Variants in CNTNAP2 observed in about 807,000 individuals in gnomAD.
CNTNAP2 encodes contactin-associated protein-like 2.
In CNTNAP2, 98 loss-of-function variants were observed where a neutral mutation model predicts 155.2. The ratio of observed to expected loss-of-function variants is 0.63; its 90% confidence interval spans 0.54 to 0.75. CNTNAP2 has a LOEUF of 0.75. Among genes scored for constraint, CNTNAP2 ranks in the 30% least tolerant of loss-of-function variants. CNTNAP2 has a pLI of 0.00. For missense variants in CNTNAP2, 1,727 were observed against 1,688.1 expected (o/e 1.02, Z -0.40); for synonymous variants, 651 against 631.2 (o/e 1.03, Z -0.47).
At chr7:146,485,960 A>C (rs1433322477) in intron 1 of CNTNAP2, among the ~76,000 whole-genome samples, 1 of 151,548 alleles carries the variant, frequency 6.6e-6, no homozygotes, top group African/African-American at 2.4e-5. Context: ...TATGCCTTTC[A>C]AATGTAAGAT....
chr7:147,317,761 GAT>G lies in CNTNAP2; in HGVS notation c.1498+17486_1498+17487del, dbSNP rs774135300. Among the ~76,000 whole-genome samples the G allele has an allele frequency of 7.2e-3, 1,057 of 146,780 alleles. 7 individuals are homozygous for G. Among genetic ancestry groups the G allele is most frequent in the African/African-American group, 0.019 (768 of 39,680 alleles). On this transcript the variant is annotated intron_variant, in intron 9 of 23. Coordinates refer to ENST00000361727, the MANE Select transcript of CNTNAP2 (RefSeq NM_014141.6). ...ACTGTCGCTTAAACTTCAAAAAAAGGATATATATATATATATGTGTGTGTGTG... is the reference window on the plus strand; with the variant it reads ...ACTGTCGCTTAAACTTCAAAAAAAGGATATATATATATATGTGTGTGTGTG...
chr7:147,870,996 G>A (rs946630550), intron 13 of CNTNAP2, among the ~76,000 whole-genome samples: 16 of 152,106 alleles, frequency 1.1e-4, no homozygotes, highest in African/African-American at 3.9e-4. Context: ...TTCCAGCATA[G>A]CCTTACTTTT....
chr7:146,407,063 T>C (rs555882387), intron 1 of CNTNAP2, among the ~76,000 whole-genome samples: 1 of 152,294 alleles, frequency 6.6e-6, no homozygotes, highest in South Asian at 2.1e-4. Flanking sequence ...GTGCCTTGGG[T>C]ACTTGACGGC....
At chr7:146,268,607 C>G (rs1454967488) in intron 1 of CNTNAP2, among the ~76,000 whole-genome samples, 1 of 151,984 alleles carries the variant, frequency 6.6e-6, no homozygotes, top group African/African-American at 2.4e-5. Flanking sequence ...TCTCCACCAC[C>G]AAAACAGCTC....
intron 1 of CNTNAP2, among the ~76,000 whole-genome samples, chr7:146,751,241 A>G (rs1801898353): frequency 6.6e-6 from 1 of 152,154 alleles, no homozygotes; most frequent in South Asian, 2.1e-4. Flanking sequence ...TTGAGCATAC[A>G]CATTTGAGCA....
At chr7:146,533,830 C>G (rs796247490) in intron 1 of CNTNAP2, among the ~76,000 whole-genome samples, 37 of 152,116 alleles carry the variant, frequency 2.4e-4, no homozygotes, top group African/African-American at 8.7e-4. Flanking sequence ...TGCTCTCTCT[C>G]TACTCTGTTT....
At chr7:148,080,217 T>C (rs1047492090) in intron 15 of CNTNAP2, among the ~76,000 whole-genome samples, 5 of 152,184 alleles carry the variant, frequency 3.3e-5, no homozygotes, top group Admixed American at 2.6e-4. Flanking sequence ...CACTAAGATG[T>C]CAGGGTTGTT....
intron 1 of CNTNAP2, among the ~76,000 whole-genome samples, chr7:146,705,100 T>C (rs1390704848): frequency 6.6e-6 from 1 of 152,106 alleles, no homozygotes; most frequent in African/African-American, 2.4e-5. Flanking sequence ...TTTCAGATGC[T>C]CAGACAAATA....
chr7:146,374,070 T>G (rs1795273253), intron 1 of CNTNAP2, among the ~76,000 whole-genome samples: 2 of 152,172 alleles, frequency 1.3e-5, no homozygotes, highest in South Asian at 4.1e-4. Context: ...TTGAAGTTGT[T>G]GCCTTTGGGA....
intron 1 of CNTNAP2, among the ~76,000 whole-genome samples, chr7:146,625,676 A>G (rs1188564867): frequency 6.6e-6 from 1 of 152,060 alleles, no homozygotes; most frequent in Admixed American, 6.6e-5. Flanking sequence ...GAGGACACAA[A>G]TATTCCAAAC....
intron 8 of CNTNAP2, among the ~76,000 whole-genome samples, chr7:147,239,547 A>G (rs1803894419): frequency 6.6e-6 from 1 of 151,834 alleles, no homozygotes; most frequent in African/African-American, 2.4e-5. Context: ...ATTGGTACGC[A>G]TTCATGACTG....
chr7:147,104,394 G>A (rs535495300), intron 4 of CNTNAP2, among the ~76,000 whole-genome samples: 3 of 151,748 alleles, frequency 2.0e-5, no homozygotes, highest in Non-Finnish European at 2.9e-5. Flanking sequence ...ACTATATACA[G>A]TATTATCCAT....
intron 1 of CNTNAP2, among the ~76,000 whole-genome samples, chr7:146,171,749 T>TA (rs1798394166): frequency 6.6e-6 from 1 of 152,070 alleles, no homozygotes; most frequent in Non-Finnish European, 1.5e-5. Context: ...ACATATATAA[T>TA]GTGTAAATTT....
intron 5 of CNTNAP2, among the ~76,000 whole-genome samples, chr7:147,115,770 G>A (rs1014945535): frequency 2.0e-5 from 3 of 152,072 alleles, no homozygotes; most frequent in African/African-American, 7.2e-5. Context: ...CTTTACTTCA[G>A]TGAAGTTTGT....
intron 15 of CNTNAP2, among the ~76,000 whole-genome samples, chr7:148,101,780 C>T (rs1804106762): frequency 6.6e-6 from 1 of 152,144 alleles, no homozygotes; most frequent in Admixed American, 6.5e-5. Context: ...AGTATGCCAC[C>T]ATCTACTCAG....
intron 8 of CNTNAP2, among the ~76,000 whole-genome samples, chr7:147,247,703 A>T (rs1196991176): frequency 1.3e-5 from 2 of 152,226 alleles, no homozygotes; most frequent in East Asian, 1.9e-4. Context: ...TATCATTTGC[A>T]AGAGTATATG....
At chr7:146,319,886 C>A (rs1004462945) in intron 1 of CNTNAP2, among the ~76,000 whole-genome samples, 1 of 152,050 alleles carries the variant, frequency 6.6e-6, no homozygotes, top group African/African-American at 2.4e-5. Flanking sequence ...CACCACAGTT[C>A]TGCTACATGA....
chr7:147,425,552 C>A (rs1437384722), intron 10 of CNTNAP2, among the ~76,000 whole-genome samples: 1 of 152,048 alleles, frequency 6.6e-6, no homozygotes, highest in East Asian at 1.9e-4. Flanking sequence ...TCCAGCCCAA[C>A]CTCACAATCA....
chr7:146,482,361 T>C (rs1269564013), intron 1 of CNTNAP2, among the ~76,000 whole-genome samples: 1 of 151,410 alleles, frequency 6.6e-6, no homozygotes, highest in Non-Finnish European at 1.5e-5. Flanking sequence ...TGTATGTGAA[T>C]GCATATAGAG....
Sources: gnomAD v4.1 joint callset for allele counts (sites outside exome capture counted in the v4.1 genomes callset) on GRCh38, gnomAD v4.1.1 for gene constraint, MANE v1.5 for transcripts, NCBI Gene and HGNC (gene_info 2026-07-23, HGNC 2026-07-21) for gene names.